Variants in ALDH7A1 observed in about 807,000 individuals in gnomAD.
The protein encoded by ALDH7A1 is alpha-aminoadipic semialdehyde dehydrogenase.
Under a neutral mutation model 79.9 loss-of-function variants are expected in ALDH7A1, and 63 were observed. The observed-to-expected ratio is 0.79, with a 90% CI of 0.64 to 0.97. The LOEUF (loss-of-function observed/expected upper bound fraction) is 0.97, where lower values mean the gene tolerates loss of function less well. Ranked by LOEUF, ALDH7A1 falls within the 50% of genes least tolerant of loss-of-function variation. The pLI is 0.00. For missense variants in ALDH7A1, 627 were observed against 665.2 expected (o/e 0.94, Z 0.63); for synonymous variants, 240 against 231.2 (o/e 1.04, Z -0.34).
rs1364053694 is a variant in ALDH7A1, at chr5:126,542,197, A to G, written c.*2768T>C. 6.6e-6 allele frequency: 1 copy of G among 152,162 alleles called. No individual in the cohort carries two copies. The highest frequency in any genetic ancestry group is 1.5e-5 in the Non-Finnish European group (1 of 68,042). 9.4% of individuals were successfully genotyped at this position (152,162 alleles called of 1,614,324 possible). On this transcript the variant is annotated 3_prime_UTR_variant, in exon 18 of 18. Coordinates refer to ENST00000409134, the MANE Select transcript of ALDH7A1 (RefSeq NM_001182.5). ...TTGGAGACCATAGGAATTTCATAAA[A>G]ATATTGAAACTGAAAACACTTAAAA...
chr5:126,575,083 C>A (rs1750920897), intron 7 of ALDH7A1, among the ~76,000 whole-genome samples: 1 of 152,184 alleles, frequency 6.6e-6, no homozygotes, highest in South Asian at 2.1e-4. Context: ...GAAATCTATT[C>A]TCAAAACCAC....
At chr5:126,573,760 G>A (rs538226286) in intron 7 of ALDH7A1, among the ~76,000 whole-genome samples, 183 of 151,760 alleles carry the variant, frequency 1.2e-3, no homozygotes, top group African/African-American at 4.3e-3. Context: ...CCAGCTACTT[G>A]GGAGGTTGAG....
intron 13 of ALDH7A1, among the ~76,000 whole-genome samples, chr5:126,553,657 G>C (rs573321030): frequency 1.3e-5 from 2 of 152,124 alleles, no homozygotes; most frequent in African/African-American, 4.8e-5. Context: ...GTTGCAGTGA[G>C]CTGAGATCAC....
chr5:126,565,457 G>C (rs1019356005), intron 9 of ALDH7A1, among the ~76,000 whole-genome samples: 1 of 148,270 alleles, frequency 6.7e-6, no homozygotes, highest in African/African-American at 2.5e-5. Context: ...ATTTTTAATT[G>C]GGTTGTCTTT....
intron 13 of ALDH7A1, 87 bp from the exon 14 acceptor site, chr5:126,552,224 A>G: frequency 1.0e-6 from 1 of 957,240 alleles, no homozygotes; most frequent in Non-Finnish European, 1.7e-6. Flanking sequence ...GCCTACATTT[A>G]TAAAGAAAAA....
At chr5:126,565,809 T>C (rs911482578) in intron 9 of ALDH7A1, among the ~76,000 whole-genome samples, 2 of 152,248 alleles carry the variant, frequency 1.3e-5, no homozygotes, top group Non-Finnish European at 2.9e-5. Context: ...TGTGTATAGA[T>C]AGCTACTTGT....
chr5:126,549,664 A>G (rs1749921395), intron 16 of ALDH7A1: 1 of 399,320 alleles, frequency 2.5e-6, no homozygotes, highest in Non-Finnish European at 4.5e-6. Context: ...TTCTCCCCAG[A>G]AAACAAATGC....
At chr5:126,593,206 A>T (rs1751610321) in intron 2 of ALDH7A1, 145 bp downstream of exon 2, 5 of 1,377,474 alleles carry the variant, frequency 3.6e-6, no homozygotes, top group Non-Finnish European at 4.9e-6. Context: ...AAATAAACAC[A>T]TTATTCTCTT....
chr5:126,557,315 G>A (rs570037260), intron 11 of ALDH7A1, among the ~76,000 whole-genome samples: 51 of 152,238 alleles, frequency 3.4e-4, no homozygotes, highest in African/African-American at 1.0e-3. Flanking sequence ...GGCCGGGTGC[G>A]GTGGCTCACA....
intron 9 of ALDH7A1, chr5:126,561,348 G>A (rs939272873): frequency 1.9e-5 from 6 of 321,914 alleles, no homozygotes; most frequent in Non-Finnish European, 2.8e-5. Flanking sequence ...AATATCAAAT[G>A]TCCTGATTTT....
At chr5:126,554,456 G>C in intron 12 of ALDH7A1, 63 bp from the exon 13 acceptor site, 1 of 1,331,140 alleles carries the variant, frequency 7.5e-7, no homozygotes, top group Non-Finnish European at 1.1e-6. Flanking sequence ...TTTATTATTA[G>C]AACAGCTTTC....
At chr5:126,573,727 C>G (rs1467122948) in intron 7 of ALDH7A1, among the ~76,000 whole-genome samples, 1 of 150,792 alleles carries the variant, frequency 6.6e-6, no homozygotes, top group Non-Finnish European at 1.5e-5. Flanking sequence ...ATTAGCCAAG[C>G]ATGGTGGCAT....
intron 16 of ALDH7A1, among the ~76,000 whole-genome samples, chr5:126,548,508 C>T (rs762711987): frequency 2.6e-4 from 40 of 151,100 alleles, no homozygotes; most frequent in Non-Finnish European, 4.6e-4. Context: ...CTCACTGCAA[C>T]CTCTGCCTCC....
At chr5:126,591,318 A>G (rs753875622) in intron 3 of ALDH7A1, among the ~76,000 whole-genome samples, 2 of 151,970 alleles carry the variant, frequency 1.3e-5, no homozygotes, top group Non-Finnish European at 2.9e-5. Context: ...CCTAGGCCAT[A>G]CTTCTATCCA....
intron 1 of ALDH7A1, chr5:126,594,053 A>G: frequency 2.8e-6 from 1 of 358,842 alleles, no homozygotes; most frequent in Admixed American, 3.6e-5. Flanking sequence ...GTTACATAAC[A>G]TCCTCCTATA....
intron 3 of ALDH7A1, chr5:126,584,395 C>T (rs989824051): frequency 1.4e-5 from 4 of 283,866 alleles, no homozygotes; most frequent in Non-Finnish European, 2.7e-5. Flanking sequence ...GGCGTGGTGG[C>T]TCACACCTGT....
chr5:126,553,371 A>G (rs916317940), intron 13 of ALDH7A1: 1 of 152,162 alleles, frequency 6.6e-6, no homozygotes, highest in African/African-American at 2.4e-5. Context: ...GTATCTTTCC[A>G]ATTTTAGTAT....
At chr5:126,551,073 G>A (rs1292208190) in intron 14 of ALDH7A1, among the ~76,000 whole-genome samples, 1 of 151,946 alleles carries the variant, frequency 6.6e-6, no homozygotes. Context: ...AGGACTATAG[G>A]TACATACAAC....
chr5:126,570,892 A>G, intron 7 of ALDH7A1, 33 bp from the exon 8 acceptor site: 18 of 1,600,756 alleles, frequency 1.1e-5, no homozygotes, highest in Non-Finnish European at 1.5e-5. Flanking sequence ...TGAGGCAATA[A>G]TTTAAGGCAT....
Sources: allele counts gnomAD v4.1 joint callset (sites outside exome capture counted in the v4.1 genomes callset), GRCh38; gene constraint gnomAD v4.1.1; transcripts MANE v1.5; gene names NCBI Gene and HGNC (gene_info 2026-07-23, HGNC 2026-07-21).